The following LHFPL6 variants were observed in gnomAD, a reference collection of about 807,000 sequenced individuals.
LHFPL6 encodes the protein LHFPL tetraspan subfamily member 6, also known as LHFPL tetraspan subfamily member 6 protein.
Under a neutral mutation model 20.6 loss-of-function variants are expected in LHFPL6, and 9 were observed. The ratio of observed to expected loss-of-function variants is 0.44; its 90% CI spans 0.26 to 0.76. The LOEUF (loss-of-function observed/expected upper bound fraction) is 0.76. Ranked by LOEUF, LHFPL6 falls within the 30% of genes least tolerant of loss-of-function variation. The probability of loss-of-function intolerance (pLI) is 0.20; values close to 1 mark genes in which losing one functional copy is unlikely to be tolerated. For missense variants in LHFPL6, 218 were observed against 253.5 expected (o/e 0.86, Z 0.95); for synonymous variants, 105 against 98.7 (o/e 1.06, Z -0.38).
intron 1 of LHFPL6, 64 bp from the exon 2 acceptor site, chr13:39,601,454 G>T (rs1872945005): frequency 5.1e-6 from 2 of 394,878 alleles, no homozygotes; most frequent in East Asian, 7.2e-5. Flanking sequence ...CACTGTTTCA[G>T]CTAGTCTACA....
At position 39,464,854 on chromosome 13, in the gene LHFPL6, C is replaced by T. The variant is rs143740693; in HGVS notation, c.386-86328G>A. 2.4e-3 allele frequency among the ~76,000 whole-genome samples: 369 copies of T among 152,138 alleles called. 4 individuals carry two copies. Among genetic ancestry groups the T allele is most frequent in the African/African-American group, 8.4e-3 (349 of 41,520 alleles). ...TAACATACAATGGGGGAAAATATGG[C>T]CTTAACTGTTATTCAGGTTAATTAT... On this transcript the variant is annotated intron_variant, in intron 2 of 3. Coordinates refer to ENST00000379589, the MANE Select transcript of LHFPL6 (RefSeq NM_005780.3).
intron 2 of LHFPL6, among the ~76,000 whole-genome samples, chr13:39,473,550 T>A (rs1003853360): frequency 6.6e-6 from 1 of 152,124 alleles, no homozygotes; most frequent in Admixed American, 6.5e-5. Flanking sequence ...TTTCTTCCAA[T>A]ATAAATGTGT....
At chr13:39,587,605 T>C (rs995067143) in intron 2 of LHFPL6, among the ~76,000 whole-genome samples, 1 of 152,068 alleles carries the variant, frequency 6.6e-6, no homozygotes, top group African/African-American at 2.4e-5. Flanking sequence ...GTATTGTGTT[T>C]CACCCAGGAT....
chr13:39,496,055 A>G (rs1480858441), intron 2 of LHFPL6, among the ~76,000 whole-genome samples: 1 of 152,200 alleles, frequency 6.6e-6, no homozygotes, highest in African/African-American at 2.4e-5. Flanking sequence ...TGGTAACTCT[A>G]TGGAAAAGGG....
At chr13:39,367,348 T>C (rs1371314560) in intron 3 of LHFPL6, among the ~76,000 whole-genome samples, 1 of 151,920 alleles carries the variant, frequency 6.6e-6, no homozygotes, top group Non-Finnish European at 1.5e-5. Context: ...TGAACATGTA[T>C]CCCCTGAATC....
At chr13:39,361,773 T>C (rs1487499850) in intron 3 of LHFPL6, among the ~76,000 whole-genome samples, 1 of 152,220 alleles carries the variant, frequency 6.6e-6, no homozygotes, top group Non-Finnish European at 1.5e-5. Flanking sequence ...TATATCGGTA[T>C]AAGGTCTGTA....
At chr13:39,497,907 C>T (rs1869153805) in intron 2 of LHFPL6, among the ~76,000 whole-genome samples, 1 of 152,170 alleles carries the variant, frequency 6.6e-6, no homozygotes, top group Non-Finnish European at 1.5e-5. Flanking sequence ...TTAATTCCCA[C>T]TTCTACACGA....
intron 2 of LHFPL6, among the ~76,000 whole-genome samples, chr13:39,525,367 C>T (rs965004216): frequency 1.3e-5 from 2 of 152,052 alleles, no homozygotes; most frequent in African/African-American, 4.8e-5. Flanking sequence ...AAAGTTTATA[C>T]TGAAGAGATA....
chr13:39,478,291 C>T (rs1873134049), intron 2 of LHFPL6, among the ~76,000 whole-genome samples: 1 of 152,020 alleles, frequency 6.6e-6, no homozygotes, highest in African/African-American at 2.4e-5. Flanking sequence ...GCACTATAAA[C>T]ATGTTTTGAG....
chr13:39,467,085 C>G (rs974171638), intron 2 of LHFPL6, among the ~76,000 whole-genome samples: 1 of 152,272 alleles, frequency 6.6e-6, no homozygotes, highest in African/African-American at 2.4e-5. Flanking sequence ...AATATGATTC[C>G]AATTCACAGA....
At chr13:39,486,601 C>T (rs139766731) in intron 2 of LHFPL6, among the ~76,000 whole-genome samples, 10 of 152,218 alleles carry the variant, frequency 6.6e-5, no homozygotes, top group Non-Finnish European at 7.4e-5. Flanking sequence ...AATATGATGA[C>T]GATGGTCAGG....
At chr13:39,422,187 T>C (rs985710043) in intron 2 of LHFPL6, among the ~76,000 whole-genome samples, 1 of 152,226 alleles carries the variant, frequency 6.6e-6, no homozygotes, top group Non-Finnish European at 1.5e-5. Flanking sequence ...TGACAAGTTA[T>C]GAGAGAAGCT....
intron 2 of LHFPL6, among the ~76,000 whole-genome samples, chr13:39,599,346 T>C (rs572192005): frequency 6.6e-6 from 1 of 152,404 alleles, no homozygotes; most frequent in Non-Finnish European, 1.5e-5. Context: ...GCATTAATTC[T>C]ATTCTTAAAA....
At chr13:39,589,209 C>T (rs1164344897) in intron 2 of LHFPL6, among the ~76,000 whole-genome samples, 3 of 152,100 alleles carry the variant, frequency 2.0e-5, no homozygotes, top group Admixed American at 6.6e-5. Context: ...CGGGTTTAAG[C>T]GATTCTCCTG....
At chr13:39,365,504 T>C (rs1031546619) in intron 3 of LHFPL6, among the ~76,000 whole-genome samples, 3 of 152,214 alleles carry the variant, frequency 2.0e-5, no homozygotes, top group Admixed American at 1.3e-4. Flanking sequence ...TGGGCAAGCA[T>C]AGCCTTGAGA....
rs73466823 is a variant in LHFPL6, at chr13:39,542,656, C to G, written c.385+58176G>C. 3.4e-3 allele frequency among the ~76,000 whole-genome samples: 515 copies of G among 152,298 alleles called. 3 individuals are homozygous for G. The highest frequency in any genetic ancestry group is 0.012 in the African/African-American group (499 of 41,564). On this transcript the variant is annotated intron_variant, in intron 2 of 3. Transcript: ENST00000379589. ...TCTTTTTGCCATTGTGGGAATCCAC[C>G]CTGCCTGAGTAAGCTGAAATCCCCA... is the stretch of plus-strand genomic sequence containing the variant.
chr13:39,496,242 G>C (rs1336886491), intron 2 of LHFPL6, among the ~76,000 whole-genome samples: 3 of 152,138 alleles, frequency 2.0e-5, no homozygotes, highest in Non-Finnish European at 2.9e-5. Flanking sequence ...TATGTGGTGA[G>C]AGCCTGTCTT....
rs1187193803 is a variant in LHFPL6, at chr13:39,361,150, T to C, written c.485-17096A>G. Among the ~76,000 whole-genome samples, 2 of 96,482 alleles carry C rather than the reference T, an allele frequency of 2.1e-5. 1 individual carries two copies. The highest frequency in any genetic ancestry group is 2.4e-4 in the Admixed American group (2 of 8,382). The allele number at this position is 96,482 out of a possible 152,430, so 63.3% of individuals were successfully genotyped here. On this transcript the variant is annotated intron_variant, in intron 3 of 3. Coordinates refer to ENST00000379589, the MANE Select transcript of LHFPL6 (RefSeq NM_005780.3). ...GGTCAGCAGTGCTGAGCCCAAATTA[T>C]ACAGCAGAGGATGGAAGACATTGCT...
intron 2 of LHFPL6, among the ~76,000 whole-genome samples, chr13:39,388,235 G>A (rs186999991): frequency 6.6e-6 from 1 of 152,226 alleles, no homozygotes; most frequent in East Asian, 1.9e-4. Flanking sequence ...TTTCAAAATG[G>A]TGCCTTGATT....
Sources: gnomAD v4.1 joint callset for allele counts (sites outside exome capture counted in the v4.1 genomes callset) on GRCh38, gnomAD v4.1.1 for gene constraint, MANE v1.5 for transcripts, NCBI Gene and HGNC (gene_info 2026-07-23, HGNC 2026-07-21) for gene names.